OCA2: variants seen among roughly 807,000 people sequenced by gnomAD.
OCA2 encodes OCA2 melanosomal transmembrane protein.
OCA2 carries 77 observed loss-of-function variants against 100.2 expected under a neutral mutation model. The observed-to-expected ratio is 0.77, with a 90% CI of 0.64 to 0.93. The LOEUF is 0.93. Ranked by LOEUF, OCA2 falls within the 40% of genes least tolerant of loss-of-function variation. OCA2 has a pLI of 0.00. For synonymous variants in OCA2, 432 were observed against 439.2 expected, an observed-to-expected ratio of 0.98 and a Z score of 0.21; for missense variants, 1,062 against 1,089.1, an observed-to-expected ratio of 0.98 and a Z score of 0.35.
At chr15:27,900,071 G>C (rs556167580) in intron 19 of OCA2, among the ~76,000 whole-genome samples, 16 of 152,194 alleles carry the variant, frequency 1.1e-4, no homozygotes, top group African/African-American at 3.9e-4. Flanking sequence ...CTCAGGATGC[G>C]GCAACCATGG....
intron 19 of OCA2, among the ~76,000 whole-genome samples, chr15:27,890,880 G>A (rs1229400062): frequency 6.6e-6 from 1 of 152,122 alleles, no homozygotes; most frequent in Non-Finnish European, 1.5e-5. Flanking sequence ...ACAAAAATTA[G>A]CTGAGCATGG....
At chr15:27,950,790 T>TTCGC (rs1567144979) in intron 18 of OCA2, among the ~76,000 whole-genome samples, 2 of 152,212 alleles carry the variant, frequency 1.3e-5, no homozygotes, top group Non-Finnish European at 2.9e-5. Flanking sequence ...TCGCTGAAGC[T>TTCGC]TGAGGCATTA....
intron 23 of OCA2, among the ~76,000 whole-genome samples, chr15:27,793,641 G>A (rs892300564): frequency 4.6e-5 from 7 of 152,300 alleles, no homozygotes; most frequent in Admixed American, 4.6e-4. Context: ...TCCCGCTCAC[G>A]TGCACATTTA....
At chr15:27,835,435 T>C (rs1461785240) in intron 23 of OCA2, among the ~76,000 whole-genome samples, 1 of 152,202 alleles carries the variant, frequency 6.6e-6, no homozygotes, top group African/African-American at 2.4e-5. Flanking sequence ...CCCCACAACC[T>C]GGACAGGAGA....
At chr15:27,967,833 G>A (rs1315940461) in intron 14 of OCA2, among the ~76,000 whole-genome samples, 1 of 152,248 alleles carries the variant, frequency 6.6e-6, no homozygotes, top group African/African-American at 2.4e-5. Context: ...TCATTGGTTG[G>A]TTCTGTTCTT....
At chr15:28,071,717 T>C (rs1172893423) in intron 2 of OCA2, among the ~76,000 whole-genome samples, 1 of 152,248 alleles carries the variant, frequency 6.6e-6, no homozygotes, top group Non-Finnish European at 1.5e-5. Context: ...GCTAGCCATA[T>C]GCAGAAGATT....
In OCA2 at chr15:27,829,903, C is replaced by T. The variant is rs552228290; in HGVS notation, c.2432+15056G>A. Among the ~76,000 whole-genome samples the T allele has an allele frequency of 3.3e-5, 5 of 152,318 alleles. No individual in the cohort carries two copies. In the South Asian group the frequency reaches 1.0e-3, roughly 32 times the overall value. On this transcript the variant is annotated intron_variant, in intron 23 of 23. Coordinates refer to ENST00000354638, the MANE Select transcript of OCA2 (RefSeq NM_000275.3). ...TAGCTGATACCCTCTAGGACTATCA[C>T]ACACTATTTCAACTGGCAAATGCAT...
At chr15:27,900,908 A>C (rs985190880) in intron 19 of OCA2, among the ~76,000 whole-genome samples, 1 of 152,192 alleles carries the variant, frequency 6.6e-6, no homozygotes. Flanking sequence ...GATAAAAACC[A>C]CGTATCTGAA....
intron 23 of OCA2, among the ~76,000 whole-genome samples, chr15:27,761,602 G>A (rs1456969266): frequency 6.6e-6 from 1 of 152,138 alleles, no homozygotes; most frequent in African/African-American, 2.4e-5. Flanking sequence ...AATTTTTCTA[G>A]CCATAGACAA....
the OCA2 span, among the ~76,000 whole-genome samples, chr15:27,735,067 A>C: frequency 6.6e-6 from 1 of 152,188 alleles, no homozygotes; most frequent in Non-Finnish European, 1.5e-5. Context: ...ACTACTAAGG[A>C]AGCTTTGTGA....
intron 19 of OCA2, among the ~76,000 whole-genome samples, chr15:27,873,452 G>GA (rs1403312596): frequency 1.3e-5 from 2 of 152,094 alleles, no homozygotes; most frequent in Non-Finnish European, 2.9e-5. Context: ...CTTTAAAATT[G>GA]AAAAAATATT....
intron 1 of OCA2, among the ~76,000 whole-genome samples, chr15:28,085,144 A>T (rs2044755852): frequency 6.6e-6 from 1 of 152,102 alleles, no homozygotes; most frequent in Non-Finnish European, 1.5e-5. Flanking sequence ...ATGCCTGCAG[A>T]TGACATCATA....
rs757923752 is a variant in OCA2 at position 28,081,757 on chromosome 15, G to A, written c.118C>T (p.Arg40Trp). 20 of 1,613,368 alleles carry A rather than the reference G, an allele frequency of 1.2e-5. 1 individual carries two copies. In the Middle Eastern group the frequency reaches 5.0e-4, roughly 40 times the overall value. Residue 40 changes from arginine to tryptophan, a missense_variant, in exon 2 of 24, where the codon CGG (arginine) becomes TGG (tryptophan). Coordinates refer to ENST00000354638, the MANE Select transcript of OCA2 (RefSeq NM_000275.3). ...GAGGGGTCAGCTCCACCGGCTCCCC[G>A]AGGAAGCCTGCGCTTGCCGGCCACA... ...ELVAGKRRLPRGAGGADPSHS... is the reference protein window; with the variant it reads ...ELVAGKRRLPWGAGGADPSHS...
At chr15:28,002,200 T>C (rs895150395) in intron 9 of OCA2, among the ~76,000 whole-genome samples, 3 of 152,022 alleles carry the variant, frequency 2.0e-5, no homozygotes, top group Non-Finnish European at 2.9e-5. Context: ...AGTAGGGGTG[T>C]CCCCCGGGAT....
intron 23 of OCA2, among the ~76,000 whole-genome samples, chr15:27,815,196 G>T (rs529188368): frequency 5.3e-5 from 8 of 152,082 alleles, no homozygotes; most frequent in Non-Finnish European, 7.4e-5. Context: ...CCCATTCGCC[G>T]CAATGCCTCT....
At chr15:27,997,160 A>C (rs1383492829) in intron 9 of OCA2, among the ~76,000 whole-genome samples, 1 of 149,610 alleles carries the variant, frequency 6.7e-6, no homozygotes, top group Non-Finnish European at 1.5e-5. Flanking sequence ...GAAAGAAAGA[A>C]AGGAAGGAAG....
At chr15:27,774,795 C>T (rs1342280794) in intron 23 of OCA2, among the ~76,000 whole-genome samples, 3 of 152,100 alleles carry the variant, frequency 2.0e-5, no homozygotes, top group African/African-American at 4.8e-5. Flanking sequence ...GGCAGCCGGA[C>T]GCACAGAGGA....
At chr15:28,037,375 GC>G (rs2043076151) in intron 2 of OCA2, among the ~76,000 whole-genome samples, 1 of 152,108 alleles carries the variant, frequency 6.6e-6, no homozygotes, top group Non-Finnish European at 1.5e-5. Flanking sequence ...ACCAAGCTGA[GC>G]AATGAGGCCT....
At chr15:28,062,100 T>C (rs948971360) in intron 2 of OCA2, among the ~76,000 whole-genome samples, 1 of 152,358 alleles carries the variant, frequency 6.6e-6, no homozygotes, top group African/African-American at 2.4e-5. Flanking sequence ...AGAAATGCTG[T>C]ATCAAATGGC....
Sources: allele counts gnomAD v4.1 joint callset (sites outside exome capture counted in the v4.1 genomes callset), GRCh38; gene constraint gnomAD v4.1.1; transcripts MANE v1.5; gene names NCBI Gene and HGNC (gene_info 2026-07-23, HGNC 2026-07-21).